The following ENO2 variants were observed in gnomAD, a reference collection of about 807,000 sequenced individuals.
ENO2 encodes the protein gamma-enolase.
A neutral mutation model predicts 48.7 loss-of-function variants in ENO2; 19 were observed. The observed-to-expected ratio is 0.39, with a 90% CI of 0.27 to 0.57. The LOEUF is 0.57. ENO2 is among the 20% of genes least tolerant of loss of function. ENO2 has a pLI of 0.58. For synonymous variants in ENO2, 198 were observed against 213.4 expected, an observed-to-expected ratio of 0.93 and a Z score of 0.63; for missense variants, 416 against 555.0, an observed-to-expected ratio of 0.75 and a Z score of 2.52.
chr12:6,918,254 G>T, intron 7 of ENO2, 92 bp downstream of exon 7: 1 of 1,355,042 alleles, frequency 7.4e-7, no homozygotes, highest in Admixed American at 2.0e-5. Flanking sequence ...CTGAGTAGGC[G>T]TGGAGGGTCC....
chr12:6,921,984 A>C (rs1305609768), intron 9 of ENO2, 72 bp from the exon 10 acceptor site: 2 of 1,596,912 alleles, frequency 1.3e-6, no homozygotes, highest in East Asian at 2.2e-5. Context: ...TTCCTGACAT[A>C]GACCAAGGTT....
rs1555141824 is a variant in ENO2 at position 6,918,183 on chromosome 12, C to T, written c.667+21C>T. On this transcript the variant is annotated intron_variant, in intron 7 of 11. Coordinates refer to ENST00000229277, the MANE Select transcript of ENO2 (RefSeq NM_001975.3). Reference sequence around the variant, plus strand: ...TGAAGGTGAGGCCAGGAGCCCCACTCCCAGCTCTAAGTCTTACCCTATTGT... The same window carrying T: ...TGAAGGTGAGGCCAGGAGCCCCACTTCCAGCTCTAAGTCTTACCCTATTGT... The T allele has an allele frequency of 1.9e-6, 3 of 1,611,594 alleles. No homozygotes were observed. The Admixed American group carries it at 5.0e-5, about 27-fold the overall frequency.
intron 1 of ENO2, 123 bp from the exon 2 acceptor site, chr12:6,915,698 A>ACCCCCC: frequency 6.4e-5 from 7 of 109,330 alleles, no homozygotes; most frequent in Non-Finnish European, 9.4e-5. Context: ...CTCCCTACCC[A>ACCCCCC]CCCCCCACCC....
chr12:6,916,285 TG>T lies in ENO2; in HGVS notation c.86-126del. The T allele has an allele frequency of 2.5e-6, 1 of 406,740 alleles. No homozygotes were observed. Among genetic ancestry groups the T allele is most frequent in the Non-Finnish European group, 3.6e-6 (1 of 276,634 alleles). The allele number at this position is 406,740 out of a possible 1,614,324, so 25.2% of individuals were successfully genotyped here. ...CCTCAGTGTGTGTGTGGGGTGGGGG[TG>T]GGGGGATGTTAGGGAGCAGTGTGGG... On this transcript the variant is annotated intron_variant, in intron 2 of 11. Coordinates refer to ENST00000229277, the MANE Select transcript of ENO2 (RefSeq NM_001975.3). This position sits in a 1 kb window ranked among gnomAD's most constrained non-coding sequence, Gnocchi z 4.5.
chr12:6,922,947 CT>C lies in ENO2; in HGVS notation c.*149del. 1 of 751,424 alleles carries C rather than the reference CT, an allele frequency of 1.3e-6. No individual in the cohort carries two copies. 46.5% of individuals were successfully genotyped at this position (751,424 alleles called of 1,614,324 possible). A position where few individuals can be genotyped will look rare whatever the true frequency, so the allele number is the denominator to read the frequency against. On this transcript the variant is annotated 3_prime_UTR_variant, in exon 12 of 12. Coordinates refer to ENST00000229277, the MANE Select transcript of ENO2 (RefSeq NM_001975.3). The surrounding 1 kb of genome is among the most constrained non-coding windows in gnomAD (Gnocchi z 5.3). ...ATTGACCTGCTCCGCTGCTCCTTGG[CT>C]TACCTGACCTCTTGCTGTCTCTGCT...
intron 8 of ENO2, 125 bp downstream of exon 8, chr12:6,919,888 A>T (rs1555141963): frequency 2.9e-6 from 3 of 1,049,658 alleles, no homozygotes; most frequent in Non-Finnish European, 4.1e-6. Context: ...CCTGAGAACC[A>T]GGGAGAGGGT....
intron 8 of ENO2, among the ~76,000 whole-genome samples, chr12:6,920,022 G>C (rs1337306231): frequency 6.6e-6 from 1 of 152,152 alleles, no homozygotes; most frequent in Non-Finnish European, 1.5e-5. Context: ...GGGGTCATGG[G>C]GAAGGCTCTG....
At chr12:6,920,093 A>G (rs1945326918) in intron 8 of ENO2, among the ~76,000 whole-genome samples, 1 of 152,114 alleles carries the variant, frequency 6.6e-6, no homozygotes, top group Admixed American at 6.5e-5. Context: ...ACATTTCAGT[A>G]TCTTTGATTG....
Position 6,916,402 on chromosome 12 carries a change from A to G in ENO2, c.86-15A>G, listed in dbSNP as rs1555141600. 1 of 1,611,142 alleles carries G rather than the reference A, an allele frequency of 6.2e-7. No homozygotes were observed. Among genetic ancestry groups the G allele is most frequent in the Non-Finnish European group, 8.5e-7 (1 of 1,178,674 alleles). ...TGTCCTCTTCACTCCCTCTCATTCC[A>G]TGTTCCTCCTTTAGGTCTTTTCCGG... On this transcript the variant is annotated splice_polypyrimidine_tract_variant and intron_variant, in intron 2 of 11. Coordinates refer to ENST00000229277, the MANE Select transcript of ENO2 (RefSeq NM_001975.3). This position sits in a 1 kb window ranked among gnomAD's most constrained non-coding sequence, Gnocchi z 4.5.
In ENO2 at chr12:6,918,561, G is replaced by A. The variant is rs781813786; in HGVS notation, c.667+399G>A. Among the ~76,000 whole-genome samples, 27 of 151,128 alleles carry A rather than the reference G, an allele frequency of 1.8e-4. No homozygotes were observed. In the East Asian group the frequency reaches 4.4e-3, roughly 25 times the overall value. On this transcript the variant is annotated intron_variant, in intron 7 of 11. Coordinates refer to ENST00000229277, the MANE Select transcript of ENO2 (RefSeq NM_001975.3). Reference sequence around the variant, plus strand: ...AGAGACAGGGTTTCACTGTGGTCTCGAACTCCTGACCTTGTGATCGGCCCG... The same window carrying A: ...AGAGACAGGGTTTCACTGTGGTCTCAAACTCCTGACCTTGTGATCGGCCCG...
At chr12:6,918,228 C>A in intron 7 of ENO2, 66 bp downstream of exon 7, 3 of 1,535,522 alleles carry the variant, frequency 2.0e-6, no homozygotes, top group Non-Finnish European at 2.7e-6. Context: ...GAAAGGGTGA[C>A]ACAGTTCACC....
Position 6,916,354 on chromosome 12 carries a change from G to T in ENO2, c.86-63G>T, listed in dbSNP as rs1295024999. 1 of 1,512,690 alleles carries T rather than the reference G, an allele frequency of 6.6e-7. No homozygotes were observed. Among genetic ancestry groups the T allele is most frequent in the Non-Finnish European group, 9.0e-7 (1 of 1,111,718 alleles). The allele number at this position is 1,512,690 out of a possible 1,614,324, so 93.7% of individuals were successfully genotyped here. On this transcript the variant is annotated intron_variant, in intron 2 of 11. Transcript: ENST00000229277. This position sits in a 1 kb window ranked among gnomAD's most constrained non-coding sequence, Gnocchi z 4.5. ...TAGGCAGGCAGTTTAGAGCCAGAAG[G>T]CTGAAGGACTCCCTGGCCCCTGTGT...
rs1555141394 is a variant in ENO2, at chr12:6,914,876, C to T, written c.-13+217C>T. On this transcript the variant is annotated intron_variant, in intron 1 of 11. Coordinates refer to ENST00000229277, the MANE Select transcript of ENO2 (RefSeq NM_001975.3). The surrounding 1 kb of genome is among the most constrained non-coding windows in gnomAD (Gnocchi z 7.1). ...CCCTCTGCGCGCCTATCTCTAACTG[C>T]GCCTCTCCACCCTTGCCTGCCTCTC... is the stretch of plus-strand genomic sequence containing the variant. 6.6e-6 allele frequency among the ~76,000 whole-genome samples: 1 copy of T among 152,182 alleles called. No homozygotes were observed. The highest frequency in any genetic ancestry group is 2.4e-5 in the African/African-American group (1 of 41,442).
chr12:6,917,734 G>A lies in ENO2; in HGVS notation c.444+20G>A, dbSNP rs782649433. ...GTGCCGGTGAGCAATAAGCCAGCCT[G>A]CGGCTCTCCCAGGGGCGGGTGGGGG... On this transcript the variant is annotated intron_variant, in intron 6 of 11. Transcript: ENST00000229277. The A allele has an allele frequency of 9.9e-6, 16 of 1,609,908 alleles. No individual in the cohort carries two copies. The South Asian group carries it at 1.4e-4, about 14-fold the overall frequency.
In ENO2 at chr12:6,922,424, G is replaced by T; in HGVS notation, c.1235+22G>T. 1 of 1,614,020 alleles carries T rather than the reference G, an allele frequency of 6.2e-7. No individual in the cohort carries two copies. The highest frequency in any genetic ancestry group is 8.5e-7 in the Non-Finnish European group (1 of 1,179,988). On this transcript the variant is annotated intron_variant, in intron 11 of 11. Coordinates refer to ENST00000229277, the MANE Select transcript of ENO2 (RefSeq NM_001975.3). This position sits in a 1 kb window ranked among gnomAD's most constrained non-coding sequence, Gnocchi z 5.3. ...TGAGGTGAGGGTCCCTGGGGTGGGA[G>T]CCCCTGGCCCAGATGGCTAAAGGCC...
At chr12:6,921,941 T>G (rs1945344816) in intron 9 of ENO2, 115 bp from the exon 10 acceptor site, 1 of 1,523,226 alleles carries the variant, frequency 6.6e-7, no homozygotes, top group Non-Finnish European at 9.1e-7. Flanking sequence ...CCTGATTCTC[T>G]GCTCCCCTCC....
chr12:6,920,198 C>T (rs903239084), intron 8 of ENO2, among the ~76,000 whole-genome samples: 5 of 151,976 alleles, frequency 3.3e-5, no homozygotes, highest in Non-Finnish European at 7.4e-5. Context: ...CTGCCCAGGG[C>T]CTTTATCTCA....
intron 7 of ENO2, among the ~76,000 whole-genome samples, chr12:6,918,939 G>A (rs1178719370): frequency 6.9e-6 from 1 of 144,764 alleles, no homozygotes; most frequent in Non-Finnish European, 1.5e-5. Context: ...CCGAGATCAT[G>A]CCACTGCACT....
rs782752376 is a variant in ENO2, at chr12:6,916,627, G to A, written c.182-44G>A. ...TCCCCTCCTCCCATTGATCCCTTCCGGCCCCTCCTGGCCCGACCCAGTCCA... is the reference window on the plus strand; with the variant it reads ...TCCCCTCCTCCCATTGATCCCTTCCAGCCCCTCCTGGCCCGACCCAGTCCA... On this transcript the variant is annotated intron_variant, in intron 3 of 11. Coordinates refer to ENST00000229277, the MANE Select transcript of ENO2 (RefSeq NM_001975.3). This position sits in a 1 kb window ranked among gnomAD's most constrained non-coding sequence, Gnocchi z 4.5. 13 of 1,613,056 alleles carry A rather than the reference G, an allele frequency of 8.1e-6. No individual in the cohort carries two copies. Among genetic ancestry groups the A allele is most frequent in the Admixed American group, 6.7e-5 (4 of 59,966 alleles).
Sources: allele counts gnomAD v4.1 joint callset (sites outside exome capture counted in the v4.1 genomes callset), GRCh38; gene constraint gnomAD v4.1.1; non-coding constraint Gnocchi (gnomAD v3.1); transcripts MANE v1.5; gene names NCBI Gene and HGNC (gene_info 2026-07-23, HGNC 2026-07-21).